Variants in OR4F15 observed in about 807,000 individuals in gnomAD.
OR4F15 encodes olfactory receptor 4F15.
A neutral mutation model predicts 11.9 loss-of-function variants in OR4F15; 7 were observed. That is an observed-to-expected ratio of 0.59 (90% CI 0.33 to 1.10). OR4F15 has a LOEUF of 1.10. OR4F15 is among the 50% of genes least tolerant of loss of function. The pLI is 0.03. For synonymous variants in OR4F15, 151 were observed against 134.6 expected (o/e 1.12, Z -0.84); for missense variants, 445 against 377.5 (o/e 1.18, Z -1.48).
chr15:101,818,239 C>G lies in OR4F15; in HGVS notation c.53C>G (p.Thr18Ser). 1 of 1,613,848 alleles carries G rather than the reference C, an allele frequency of 6.2e-7. No individual in the cohort carries two copies. Among genetic ancestry groups the G allele is most frequent in the Non-Finnish European group, 8.5e-7 (1 of 1,179,838 alleles). The change falls in exon 2 of 2, where the codon ACC becomes AGC. Residue 18 changes from threonine to serine, a missense_variant. Physicochemically the swap from Thr to Ser is moderately conservative, Grantham distance 58. Transcript: ENST00000332238. The part of the protein sequence containing the change: ...VVSEFVFMGL[T>S]NSREIQLLLF... ...TCAGAATTTGTATTCATGGGACTCA[C>G]CAACTCACGGGAGATTCAGCTTCTA...
At chr15:101,814,093 C>T (rs770389730) in intron 1 of OR4F15, among the ~76,000 whole-genome samples, 6 of 152,186 alleles carry the variant, frequency 3.9e-5, no homozygotes, top group Non-Finnish European at 8.8e-5. Flanking sequence ...GACAAGAGGA[C>T]AAAAGCTGAG....
rs759379510 is a variant in OR4F15, at chr15:101,818,801, CA to C, written c.616del (p.Ile206PhefsTer10). ...TCATGGTCACTGTCAATAGTGGACTCATTTCTGTGGGCTCCTTTGTCTTGCT... is the reference window on the plus strand; with the variant it reads ...TCATGGTCACTGTCAATAGTGGACTCTTTCTGTGGGCTCCTTTGTCTTGCT... ...EFMVTVNSGL[I>X]SVGSFVLLVI... On this transcript the variant is annotated frameshift_variant, in exon 2 of 2. Coordinates refer to ENST00000332238, the MANE Select transcript of OR4F15 (RefSeq NM_001001674.2). LOFTEE classifies it high-confidence loss of function. 6.2e-7 allele frequency: 1 copy of C among 1,614,132 alleles called. No homozygotes were observed. Among genetic ancestry groups the C allele is most frequent in the Non-Finnish European group, 8.5e-7 (1 of 1,180,006 alleles).
intron 1 of OR4F15, among the ~76,000 whole-genome samples, chr15:101,813,638 T>G (rs1902942049): frequency 6.6e-6 from 1 of 152,178 alleles, no homozygotes; most frequent in African/African-American, 2.4e-5. Context: ...CAGAACGTAG[T>G]CTCAGATCTT....
rs1018026265 is a variant in OR4F15, at chr15:101,818,477, T to C, written c.291T>C (p.Cys97=). 1.9e-6 allele frequency: 3 copies of C among 1,614,168 alleles called. No individual in the cohort carries two copies. The highest frequency in any genetic ancestry group is 1.7e-5 in the Admixed American group (1 of 60,012). The change falls in exon 2 of 2, where the codon TGT becomes TGC. Residue 97 remains cysteine, a synonymous_variant. Transcript: ENST00000332238. ...KKHKAISFRG[C]ITQIFFSHAL... ...ACAAGGCCATCTCCTTTCGGGGATG[T>C]ATTACTCAGATCTTCTTTAGCCATG... is the stretch of plus-strand genomic sequence containing the variant.
intron 1 of OR4F15, among the ~76,000 whole-genome samples, chr15:101,813,504 G>C (rs1382419865): frequency 9.7e-6 from 1 of 103,220 alleles, no homozygotes; most frequent in Non-Finnish European, 2.1e-5. Context: ...GTGAGAATCT[G>C]TCTCAAAAAA....
rs112448311 is a variant in OR4F15, at chr15:101,813,658, A to G, written c.-38+1386A>G. 1.4e-3 allele frequency among the ~76,000 whole-genome samples: 208 copies of G among 152,330 alleles called. 3 individuals are homozygous for G. The highest frequency in any genetic ancestry group is 4.7e-3 in the African/African-American group (196 of 41,586). On this transcript the variant is annotated intron_variant, in intron 1 of 1. Transcript: ENST00000332238. ...CGTAGTCTCAGATCTTTTCCAGCTC[A>G]TTGAGTTTATTGATTGAGAATAATG...
chr15:101,818,963 A>G lies in OR4F15; in HGVS notation c.777A>G (p.Thr259=). 6.2e-7 allele frequency: 1 copy of G among 1,614,126 alleles called. No homozygotes were observed. The change falls in exon 2 of 2, where the codon ACA becomes ACG. Residue 259 remains threonine (T), a synonymous_variant. Coordinates refer to ENST00000332238, the MANE Select transcript of OR4F15 (RefSeq NM_001001674.2). ...LFFGPLMFFY[T]WPSPTSHLDK... ...TTGGGCCACTGATGTTTTTCTACAC[A>G]TGGCCTTCTCCCACATCACACCTGG...
At position 101,819,110 on chromosome 15, in the gene OR4F15, T is replaced by A; in HGVS notation, c.924T>A (p.Phe308Leu). 6.2e-7 allele frequency: 1 copy of A among 1,602,034 alleles called. No individual in the cohort carries two copies. The highest frequency in any genetic ancestry group is 8.5e-7 in the Non-Finnish European group (1 of 1,172,338). ...GACTGTGCAGTCGTCTTGCGCATTT[T>A]ACAAAGATTTTGTAAATGGCTTGGC... ...MRRLCSRLAH[F>L]TKIL The change falls in exon 2 of 2, where the codon TTT becomes TTA. Residue 308 changes from phenylalanine (F) to leucine (L), a missense_variant. By Grantham distance (22) the Phe-to-Leu change is conservative. Transcript: ENST00000332238.
chr15:101,812,712 G>A (rs879431652), intron 1 of OR4F15, among the ~76,000 whole-genome samples: 12 of 152,004 alleles, frequency 7.9e-5, no homozygotes, highest in Admixed American at 7.2e-4. Flanking sequence ...AGATGGAGAA[G>A]GAATAATTGA....
chr15:101,815,958 A>T (rs1474176833), intron 1 of OR4F15, among the ~76,000 whole-genome samples: 1 of 152,160 alleles, frequency 6.6e-6, no homozygotes, highest in Admixed American at 6.5e-5. Context: ...AGGATGCACC[A>T]TCTGTCCCCA....
chr15:101,817,805 T>C (rs1903016372), intron 1 of OR4F15, among the ~76,000 whole-genome samples: 1 of 152,206 alleles, frequency 6.6e-6, no homozygotes, highest in African/African-American at 2.4e-5. Context: ...GCTGAAATCA[T>C]ATCCATTGAT....
At chr15:101,816,487 C>CGTGTGT (rs35269954) in intron 1 of OR4F15, among the ~76,000 whole-genome samples, 27 of 148,834 alleles carry the variant, frequency 1.8e-4, no homozygotes, top group African/African-American at 5.9e-4. Flanking sequence ...AAGAATATAA[C>CGTGTGT]GTGTGTGTGT....
chr15:101,814,045 G>A (rs192793450), intron 1 of OR4F15, among the ~76,000 whole-genome samples: 1 of 152,162 alleles, frequency 6.6e-6, no homozygotes, highest in Non-Finnish European at 1.5e-5. Flanking sequence ...GCCATTCAGC[G>A]ACCCAAAGAT....
At position 101,819,129 on chromosome 15, in the gene OR4F15, G is replaced by T. The variant is rs748911156; in HGVS notation, c.*4G>T. On this transcript the variant is annotated 3_prime_UTR_variant, in exon 2 of 2. Transcript: ENST00000332238. Reference sequence around the variant, plus strand: ...GCATTTTACAAAGATTTTGTAAATGGCTTGGCTGTCAAGATGTGTAACTAT... The same window carrying T: ...GCATTTTACAAAGATTTTGTAAATGTCTTGGCTGTCAAGATGTGTAACTAT... The T allele has an allele frequency of 1.3e-6, 2 of 1,576,790 alleles. No homozygotes were observed. The highest frequency in any genetic ancestry group is 2.3e-5 in the South Asian group (2 of 86,484).
chr15:101,813,424 G>A (rs767154348), intron 1 of OR4F15, among the ~76,000 whole-genome samples: 13 of 151,034 alleles, frequency 8.6e-5, no homozygotes, highest in Non-Finnish European at 1.6e-4. Context: ...CTACAGAATC[G>A]CTTAAACCTA....
Position 101,819,050 on chromosome 15 carries a change from A to T in OR4F15, c.864A>T (p.Thr288=), listed in dbSNP as rs750237884. 1 of 1,613,888 alleles carries T rather than the reference A, an allele frequency of 6.2e-7. No homozygotes were observed. The highest frequency in any genetic ancestry group is 8.5e-7 in the Non-Finnish European group (1 of 1,179,970). The part of the protein sequence containing the change: ...ITPFLNPVIY[T]FRNKDMKVAM... ...CTTTTCTGAATCCAGTTATCTACAC[A>T]TTCAGGAACAAAGACATGAAAGTGG... The change falls in exon 2 of 2, where the codon ACA becomes ACT. Residue 288 remains threonine (T), a synonymous_variant. Coordinates refer to ENST00000332238, the MANE Select transcript of OR4F15 (RefSeq NM_001001674.2).
chr15:101,819,191 C>T lies in OR4F15; in HGVS notation c.*66C>T. ...CATGCTGATTGCATAAAAGAAACTG[C>T]AATTTCAGAGAAATACTGAAGACTC... On this transcript the variant is annotated 3_prime_UTR_variant, in exon 2 of 2. Transcript: ENST00000332238. 1.8e-6 allele frequency: 2 copies of T among 1,081,838 alleles called. No individual in the cohort carries two copies. Among genetic ancestry groups the T allele is most frequent in the Non-Finnish European group, 1.3e-6 (1 of 759,098 alleles). The allele number at this position is 1,081,838 out of a possible 1,614,324, so 67.0% of individuals were successfully genotyped here. A position where few individuals can be genotyped will look rare whatever the true frequency, so the allele number is the denominator to read the frequency against.
In OR4F15 at chr15:101,819,406, CTA is replaced by C. The variant is rs1295306536; in HGVS notation, c.*283_*284del. 3.2e-6 allele frequency: 1 copy of C among 316,714 alleles called. No homozygotes were observed. The highest frequency in any genetic ancestry group is 2.1e-5 in the African/African-American group (1 of 46,692). The allele number at this position is 316,714 out of a possible 1,614,324, so 19.6% of individuals were successfully genotyped here. A position where few individuals can be genotyped will look rare whatever the true frequency, so the allele number is the denominator to read the frequency against. On this transcript the variant is annotated 3_prime_UTR_variant, in exon 2 of 2. Transcript: ENST00000332238. ...CCATGTAATTGAACAAATAACAATACTATGTCTTTTATTTTTTCTACTGGACA... is the reference window on the plus strand; with the variant it reads ...CCATGTAATTGAACAAATAACAATACTGTCTTTTATTTTTTCTACTGGACA...
intron 1 of OR4F15, among the ~76,000 whole-genome samples, chr15:101,817,211 G>A (rs868302818): frequency 1.1e-4 from 17 of 152,202 alleles, no homozygotes; most frequent in Admixed American, 2.0e-4. Context: ...GACATCTTAT[G>A]CAAATGTTTC....
Sources: allele counts gnomAD v4.1 joint callset (sites outside exome capture counted in the v4.1 genomes callset), GRCh38; gene constraint gnomAD v4.1.1; transcripts MANE v1.5; gene names NCBI Gene and HGNC (gene_info 2026-07-23, HGNC 2026-07-21).